Variants in CDH19 observed in about 807,000 individuals in gnomAD.
CDH19 encodes cadherin 19.
Under a neutral mutation model 64.2 loss-of-function variants are expected in CDH19, and 67 were observed. The ratio of observed to expected loss-of-function variants is 1.04; its 90% CI spans 0.86 to 1.28. The LOEUF is 1.28. Ranked by LOEUF, CDH19 falls within the 50% of genes most tolerant of loss-of-function variation. The probability of loss-of-function intolerance (pLI) is 0.00; values close to 1 mark genes in which losing one functional copy is unlikely to be tolerated. For missense variants in CDH19, 1,030 were observed against 929.0 expected (o/e 1.11, Z -1.41); for synonymous variants, 346 against 319.3 (o/e 1.08, Z -0.89).
rs755899214 is a variant in CDH19, at chr18:66,572,018, T to C, written c.187A>G (p.Ile63Val). 5.6e-6 allele frequency: 9 copies of C among 1,606,702 alleles called. No individual in the cohort carries two copies. The highest frequency in any genetic ancestry group is 7.7e-6 in the Non-Finnish European group (9 of 1,174,784). ...TTTAAATAAATAAGTACCTGGCCGA[T>C]GTGATGACTAGTCGTATTCATTTCC... Reference protein sequence around the residue: ...PEEMNTTSHHIGQLRSDLDNG... With the variant: ...PEEMNTTSHHVGQLRSDLDNG... The change falls in exon 2 of 12, where the codon ATC becomes GTC. Residue 63 changes from isoleucine (I) to valine (V), a missense_variant. Transcript: ENST00000262150.
chr18:66,582,050 G>GA (rs1471868947), intron 1 of CDH19, among the ~76,000 whole-genome samples: 1 of 151,844 alleles, frequency 6.6e-6, no homozygotes, highest in Admixed American at 6.6e-5. Flanking sequence ...TTGAATGGAA[G>GA]AAAAAAATGC....
chr18:66,504,560 C>T lies in CDH19; in HGVS notation c.*252G>A. The stretch of plus-strand genomic sequence containing the variant: ...CCTCTCATCTACTTTTAATATCTTC[C>T]TAAATTATTTTACTTCAAATCTGGT... On this transcript the variant is annotated 3_prime_UTR_variant, in exon 12 of 12. Transcript: ENST00000262150. 2.8e-6 allele frequency: 1 copy of T among 362,726 alleles called. No individual in the cohort carries two copies. Among genetic ancestry groups the T allele is most frequent in the Non-Finnish European group, 5.0e-6 (1 of 200,660 alleles). 22.5% of individuals were successfully genotyped at this position (362,726 alleles called of 1,614,324 possible).
intron 1 of CDH19, among the ~76,000 whole-genome samples, chr18:66,584,321 T>G (rs474961): frequency 0.017 from 2,642 of 151,940 alleles, 78 homozygotes; most frequent in African/African-American, 0.06. Context: ...TGAATGGCTA[T>G]TATGAAAAAC....
At chr18:66,576,822 G>T (rs1988280789) in intron 1 of CDH19, among the ~76,000 whole-genome samples, 1 of 151,622 alleles carries the variant, frequency 6.6e-6, no homozygotes, top group Non-Finnish European at 1.5e-5. Flanking sequence ...AAAATCTTAT[G>T]AAATCTATAA....
chr18:66,513,498 T>C (rs939509105), intron 9 of CDH19, among the ~76,000 whole-genome samples: 8 of 151,530 alleles, frequency 5.3e-5, no homozygotes, highest in Non-Finnish European at 7.4e-5. Flanking sequence ...TTATGAATTT[T>C]ATTGAAGTTA....
chr18:66,517,983 A>G (rs1206076027), intron 9 of CDH19, among the ~76,000 whole-genome samples: 1 of 151,746 alleles, frequency 6.6e-6, no homozygotes, highest in African/African-American at 2.4e-5. Flanking sequence ...CAGTGACTTT[A>G]TTTTATATGT....
rs941185847 is a variant in CDH19, at chr18:66,554,495, C to G, written c.520G>C (p.Asp174His). 1 of 1,610,458 alleles carries G rather than the reference C, an allele frequency of 6.2e-7. No individual in the cohort carries two copies. Among genetic ancestry groups the G allele is most frequent in the Non-Finnish European group, 8.5e-7 (1 of 1,177,330 alleles). Residue 174 changes from aspartate (D) to histidine (H), a missense_variant, in exon 4 of 12, where the codon GAT becomes CAT. Asp to His is a moderately conservative substitution (Grantham distance 81). Transcript: ENST00000262150. The stretch of plus-strand genomic sequence containing the variant: ...TTACCACTTGAGGGATCGTCAGCAT[C>G]ACTTGCTGTCACCTGGATAACTAAT... ...GTLVIQVTASDADDPSSGNNA... is the reference protein window; with the variant it reads ...GTLVIQVTASHADDPSSGNNA...
chr18:66,515,049 C>A (rs890141700), intron 9 of CDH19, among the ~76,000 whole-genome samples: 22 of 151,598 alleles, frequency 1.5e-4, no homozygotes, highest in African/African-American at 5.3e-4. Context: ...AATCAAGATA[C>A]AAATACTGAG....
intron 3 of CDH19, among the ~76,000 whole-genome samples, chr18:66,566,941 C>T (rs938924211): frequency 6.6e-6 from 1 of 151,692 alleles, no homozygotes; most frequent in Non-Finnish European, 1.5e-5. Context: ...GAGCACTCTG[C>T]TATGGATTCT....
intron 10 of CDH19, among the ~76,000 whole-genome samples, 160 bp from the exon 11 acceptor site, chr18:66,509,406 A>G (rs1985361863): frequency 6.6e-6 from 1 of 151,896 alleles, no homozygotes; most frequent in African/African-American, 2.4e-5. Context: ...AAACATCCAC[A>G]CTAAATTATT....
At chr18:66,592,076 TA>T (rs964720031) in intron 1 of CDH19, among the ~76,000 whole-genome samples, 1 of 151,878 alleles carries the variant, frequency 6.6e-6, no homozygotes, top group African/African-American at 2.4e-5. Context: ...GGTTCTTCTC[TA>T]ATGTTTCCTT....
chr18:66,558,247 T>C (rs896921980), intron 3 of CDH19, among the ~76,000 whole-genome samples: 2 of 150,852 alleles, frequency 1.3e-5, no homozygotes, highest in African/African-American at 4.8e-5. Flanking sequence ...GTAGTTTTTC[T>C]CTTAATTTTT....
chr18:66,507,622 G>A (rs1156475924), intron 11 of CDH19, among the ~76,000 whole-genome samples: 1 of 151,774 alleles, frequency 6.6e-6, no homozygotes, highest in Non-Finnish European at 1.5e-5. Context: ...TATAAAAACA[G>A]TGATAGCAAT....
At chr18:66,543,780 G>C (rs989037876) in intron 7 of CDH19, among the ~76,000 whole-genome samples, 191 bp downstream of exon 7, 3 of 152,034 alleles carry the variant, frequency 2.0e-5, no homozygotes, top group Non-Finnish European at 4.4e-5. Flanking sequence ...CTACTAGGGA[G>C]GCTGAGGCAG....
chr18:66,523,872 T>C (rs1441282646), intron 9 of CDH19, among the ~76,000 whole-genome samples: 1 of 123,466 alleles, frequency 8.1e-6, no homozygotes, highest in Non-Finnish European at 1.6e-5. Context: ...GGCTCAACCT[T>C]GCACTCACCG....
chr18:66,526,610 T>G (rs1459844397), intron 9 of CDH19, among the ~76,000 whole-genome samples: 1 of 152,134 alleles, frequency 6.6e-6, no homozygotes, highest in Non-Finnish European at 1.5e-5. Context: ...CTAGGATACA[T>G]TATGGAACTT....
chr18:66,538,621 A>T (rs551783527), intron 7 of CDH19, among the ~76,000 whole-genome samples: 1 of 152,272 alleles, frequency 6.6e-6, no homozygotes, highest in African/African-American at 2.4e-5. Flanking sequence ...GTCAAAATAA[A>T]TACACTTTCT....
chr18:66,519,382 AGAG>A (rs1199736770), intron 9 of CDH19, among the ~76,000 whole-genome samples: 7 of 152,190 alleles, frequency 4.6e-5, no homozygotes, highest in African/African-American at 1.7e-4. Context: ...TAGAGATTGT[AGAG>A]GAGAAGCTGT....
chr18:66,575,871 T>A (rs575398072), intron 1 of CDH19, among the ~76,000 whole-genome samples: 2 of 151,724 alleles, frequency 1.3e-5, no homozygotes, highest in East Asian at 1.9e-4. Flanking sequence ...AATAACAAAG[T>A]ATTGTGGAGC....
Sources: gnomAD v4.1 joint callset for allele counts (sites outside exome capture counted in the v4.1 genomes callset) on GRCh38, gnomAD v4.1.1 for gene constraint, MANE v1.5 for transcripts, NCBI Gene and HGNC (gene_info 2026-07-23, HGNC 2026-07-21) for gene names.